Variants in RAB2A observed in about 807,000 individuals in gnomAD.
RAB2A encodes the protein ras-related protein Rab-2A.
RAB2A carries 7 observed loss-of-function variants against 32.5 expected under a neutral mutation model. The ratio of observed to expected loss-of-function variants is 0.22; its 90% CI spans 0.12 to 0.40. RAB2A has a LOEUF of 0.40. Among genes scored for constraint, RAB2A ranks in the 10% least tolerant of loss-of-function variants. The pLI is 1.00. For missense variants in RAB2A, 108 were observed against 260.7 expected (o/e 0.41, Z 4.03); for synonymous variants, 79 against 85.2 (o/e 0.93, Z 0.40).
intron 3 of RAB2A, among the ~76,000 whole-genome samples, chr8:60,578,526 A>G (rs952145243): frequency 7.9e-5 from 12 of 152,008 alleles, no homozygotes; most frequent in African/African-American, 2.4e-4. Context: ...TTTTCAGACT[A>G]TAGACAAGAT....
intron 1 of RAB2A, among the ~76,000 whole-genome samples, chr8:60,549,672 G>GT (rs996586449): frequency 1.8e-4 from 28 of 152,114 alleles, no homozygotes; most frequent in Non-Finnish European, 5.9e-5. Flanking sequence ...GCAGGAGATA[G>GT]TTTTTTCCCC....
At chr8:60,542,688 AAGAAAC>A (rs1807665636) in intron 1 of RAB2A, among the ~76,000 whole-genome samples, 1 of 152,216 alleles carries the variant, frequency 6.6e-6, no homozygotes, top group Admixed American at 6.5e-5. Flanking sequence ...TTGTAAAAGA[AAGAAAC>A]AGAAATAGTA....
In RAB2A at chr8:60,620,821, AC is replaced by A; in HGVS notation, c.*57del. ...ACGGGGCCTACTCACTTATTCTTTC[AC>A]CCCCTCTCCTCCTGCTCAGCTGAGA... On this transcript the variant is annotated 3_prime_UTR_variant, in exon 8 of 8. Transcript: ENST00000262646. The A allele has an allele frequency of 1.4e-6, 2 of 1,462,508 alleles. No individual in the cohort carries two copies. The highest frequency in any genetic ancestry group is 1.9e-6 in the Non-Finnish European group (2 of 1,073,100). 90.6% of individuals were successfully genotyped at this position (1,462,508 alleles called of 1,614,324 possible). A position where few individuals can be genotyped will look rare whatever the true frequency, so the allele number is the denominator to read the frequency against.
At chr8:60,590,072 C>T (rs1441654038) in intron 5 of RAB2A, among the ~76,000 whole-genome samples, 2 of 152,022 alleles carry the variant, frequency 1.3e-5, no homozygotes, top group African/African-American at 4.8e-5. Context: ...AGCAATTCTC[C>T]CGCCTCAGTC....
At chr8:60,599,478 A>T (rs558053287) in intron 6 of RAB2A, among the ~76,000 whole-genome samples, 1 of 152,320 alleles carries the variant, frequency 6.6e-6, no homozygotes, top group South Asian at 2.1e-4. Flanking sequence ...AAAGTAGCTG[A>T]CACAGCTTAG....
At chr8:60,611,544 C>CT (rs1804348828) in intron 6 of RAB2A, among the ~76,000 whole-genome samples, 1 of 152,138 alleles carries the variant, frequency 6.6e-6, no homozygotes, top group Non-Finnish European at 1.5e-5. Flanking sequence ...ATACCACATC[C>CT]TTGAGATGTA....
chr8:60,561,249 G>C (rs540999116), intron 2 of RAB2A, among the ~76,000 whole-genome samples: 3 of 152,286 alleles, frequency 2.0e-5, no homozygotes, highest in East Asian at 3.9e-4. Flanking sequence ...AATTCCCTAT[G>C]CCCTATGTAC....
intron 2 of RAB2A, among the ~76,000 whole-genome samples, chr8:60,567,141 G>C (rs1808127617): frequency 1.4e-5 from 2 of 144,690 alleles, no homozygotes; most frequent in Non-Finnish European, 3.0e-5. Flanking sequence ...TTTTGAGACA[G>C]AGTCTCATTC....
chr8:60,621,859 T>C lies in RAB2A; in HGVS notation c.*1090T>C, dbSNP rs944446708. ...TTTGAAGGGGATATGACAATAAATC[T>C]ATCAGATGGAAAATCCTGTTACAAA... On this transcript the variant is annotated 3_prime_UTR_variant, in exon 8 of 8. Coordinates refer to ENST00000262646, the MANE Select transcript of RAB2A (RefSeq NM_002865.3). The C allele has an allele frequency of 2.3e-4, 35 of 152,184 alleles. 1 individual carries two copies. The highest frequency in any genetic ancestry group is 8.2e-4 in the African/African-American group (34 of 41,454). The allele number at this position is 152,184 out of a possible 1,614,324, so 9.4% of individuals were successfully genotyped here.
chr8:60,584,729 T>C lies in RAB2A; in HGVS notation c.276T>C (p.Asp92=), dbSNP rs375530419. Residue 92 remains aspartate (D), a synonymous_variant, in exon 5 of 8, where the codon GAT becomes GAC. Transcript: ENST00000262646. ...ALLVYDITRR[D]TFNHLTTWLE... ...AATTATTATTTATGTTTAGGAGAGA[T>C]ACATTCAACCACTTGACAACCTGGT... is the stretch of plus-strand genomic sequence containing the variant. The C allele has an allele frequency of 1.2e-6, 2 of 1,609,264 alleles. No individual in the cohort carries two copies. The highest frequency in any genetic ancestry group is 1.3e-5 in the African/African-American group (1 of 74,772).
At chr8:60,546,310 A>G (rs975673862) in intron 1 of RAB2A, among the ~76,000 whole-genome samples, 3 of 152,204 alleles carry the variant, frequency 2.0e-5, no homozygotes, top group Non-Finnish European at 4.4e-5. Context: ...GATATTTCCT[A>G]CTTGCGATAG....
chr8:60,546,315 C>A (rs75964318), intron 1 of RAB2A, among the ~76,000 whole-genome samples: 1 of 152,158 alleles, frequency 6.6e-6, no homozygotes, highest in African/African-American at 2.4e-5. Flanking sequence ...TTCCTACTTG[C>A]GATAGCTGAG....
chr8:60,571,012 T>C (rs1483679944), intron 2 of RAB2A, among the ~76,000 whole-genome samples: 2 of 152,178 alleles, frequency 1.3e-5, no homozygotes, highest in African/African-American at 2.4e-5. Flanking sequence ...GAACATACTC[T>C]AGGCAGTAAT....
intron 6 of RAB2A, among the ~76,000 whole-genome samples, chr8:60,612,121 C>T (rs1441475882): frequency 1.3e-5 from 2 of 152,150 alleles, no homozygotes; most frequent in Non-Finnish European, 2.9e-5. Context: ...AATGCTCTCC[C>T]TCCCCTTTTC....
At chr8:60,537,892 C>T (rs77600928) in intron 1 of RAB2A, among the ~76,000 whole-genome samples, 129 of 152,178 alleles carry the variant, frequency 8.5e-4, no homozygotes, top group African/African-American at 2.9e-3. Flanking sequence ...GTGGCCCCAA[C>T]TGGTGTCAAA....
At chr8:60,548,662 C>G (rs1158466293) in intron 1 of RAB2A, among the ~76,000 whole-genome samples, 1 of 147,708 alleles carries the variant, frequency 6.8e-6, no homozygotes. Flanking sequence ...CACCTCCCTC[C>G]CGGACGGAGT....
chr8:60,602,838 A>C (rs751708129), intron 6 of RAB2A, among the ~76,000 whole-genome samples: 7 of 152,238 alleles, frequency 4.6e-5, no homozygotes, highest in Admixed American at 1.3e-4. Flanking sequence ...TCAAGGGCTC[A>C]GATTTGCCTA....
At chr8:60,540,675 T>A (rs1807630590) in intron 1 of RAB2A, among the ~76,000 whole-genome samples, 1 of 152,230 alleles carries the variant, frequency 6.6e-6, no homozygotes, top group South Asian at 2.1e-4. Context: ...AGAGTTGGGC[T>A]TTCCCCATGT....
chr8:60,557,448 G>A (rs920710075), intron 1 of RAB2A, among the ~76,000 whole-genome samples: 7 of 152,026 alleles, frequency 4.6e-5, no homozygotes, highest in Admixed American at 1.3e-4. Flanking sequence ...CCTGGGAGAC[G>A]GAGTTTGCAG....
Sources: allele counts gnomAD v4.1 joint callset (sites outside exome capture counted in the v4.1 genomes callset), GRCh38; gene constraint gnomAD v4.1.1; transcripts MANE v1.5; gene names NCBI Gene and HGNC (gene_info 2026-07-23, HGNC 2026-07-21).